Variants in CCDC33 observed in about 807,000 individuals in gnomAD.
CCDC33 encodes coiled-coil domain containing 33, also known as coiled-coil domain-containing protein 33.
A neutral mutation model predicts 91.9 loss-of-function variants in CCDC33; 94 were observed. The ratio of observed to expected loss-of-function variants is 1.02; its 90% confidence interval spans 0.87 to 1.21. CCDC33 has a LOEUF of 1.21. Among genes scored for constraint, CCDC33 ranks in the 50% most tolerant of loss-of-function variants. The pLI is 0.00. For missense variants in CCDC33, 940 were observed against 935.5 expected (o/e 1.00, Z -0.06); for synonymous variants, 396 against 374.5 (o/e 1.06, Z -0.66).
chr15:74,255,707 G>A (rs2075840261), intron 2 of CCDC33, among the ~76,000 whole-genome samples: 1 of 152,260 alleles, frequency 6.6e-6, no homozygotes. Flanking sequence ...AGAGAGACCA[G>A]GGGCCAGGCT....
intron 2 of CCDC33, among the ~76,000 whole-genome samples, chr15:74,223,725 C>CACAA (rs1161665993): frequency 4.1e-5 from 3 of 73,088 alleles, no homozygotes; most frequent in Non-Finnish European, 7.3e-5. Context: ...CGCCAGCATA[C>CACAA]ACACACACAC....
chr15:74,236,128 G>T (rs181625645), upstream of CCDC33, among the ~76,000 whole-genome samples: 1 of 152,360 alleles, frequency 6.6e-6, no homozygotes, highest in East Asian at 1.9e-4. Context: ...CACAGGGTTG[G>T]TGGAGACTAC....
At chr15:74,232,690 T>A (rs879441134), upstream of CCDC33, among the ~76,000 whole-genome samples, 2 of 152,222 alleles carry the variant, frequency 1.3e-5, no homozygotes, top group African/African-American at 4.8e-5. Flanking sequence ...TAACCCTCTC[T>A]GAGCTTTGGT....
In CCDC33 at chr15:74,266,781, G is replaced by T. The variant is rs915644687; in HGVS notation, c.423G>T (p.Leu141=). The part of the protein sequence containing the change: ...LRVFHPYHFE[L]VKPTESGKAD... ...TCTTCCACCCCTACCACTTTGAGCT[G>T]GTGAAGGTGAGTCAGAGGCCTGGGG... Residue 141 remains leucine, a synonymous_variant, in exon 4 of 19, where the codon CTG becomes CTT. Coordinates refer to ENST00000398814, the MANE Select transcript of CCDC33 (RefSeq NM_025055.5). 6.2e-7 allele frequency: 1 copy of T among 1,612,638 alleles called. No individual in the cohort carries two copies. The highest frequency in any genetic ancestry group is 8.5e-7 in the Non-Finnish European group (1 of 1,178,788).
In CCDC33 at chr15:74,225,155, T is replaced by TGTGTGA. The variant is rs1491175056; in HGVS notation, c.675+6295_675+6296insTGTGAG. Among the ~76,000 whole-genome samples, 363 of 143,296 alleles carry TGTGTGA rather than the reference T, an allele frequency of 2.5e-3. 5 individuals carry two copies. The highest frequency in any genetic ancestry group is 8.8e-3 in the African/African-American group (345 of 39,200). 94.0% of individuals were successfully genotyped at this position (143,296 alleles called of 152,430 possible). ...GTGTGTGTGTGTGTGTGTGTGTGTG[T>TGTGTGA]GACAGAGAATGATGTGGGGGGAGAT... On this transcript the variant is annotated intron_variant, in intron 2 of 2. Coordinates refer to the CCDC33 transcript ENST00000635913.
In CCDC33 at chr15:74,231,134, A is replaced by G. The variant is rs561041389; in HGVS notation, c.675+12273A>G. On this transcript the variant is annotated intron_variant, in intron 2 of 2. Coordinates refer to the CCDC33 transcript ENST00000635913. ...GGCAAGCAACCAGGGAAAGGTCAGA[A>G]GGGCAGGCCCCCAGAGCCTCCAGGA... Among the ~76,000 whole-genome samples the G allele has an allele frequency of 2.3e-3, 347 of 152,340 alleles. 2 individuals carry two copies. Among genetic ancestry groups the G allele is most frequent in the African/African-American group, 8.2e-3 (341 of 41,578 alleles).
chr15:74,225,117 C>CGTGTGTAT (rs2074748952), intron 2 of CCDC33, among the ~76,000 whole-genome samples: 1 of 139,832 alleles, frequency 7.2e-6, no homozygotes, highest in African/African-American at 2.7e-5. Context: ...CTCCTGGAGG[C>CGTGTGTAT]GTGTGTGTGT....
rs762617304 is a variant in CCDC33 at position 74,280,061 on chromosome 15, C to T, written c.858C>T (p.Ala286=). 6.2e-7 allele frequency: 1 copy of T among 1,614,108 alleles called. No homozygotes were observed. The highest frequency in any genetic ancestry group is 1.1e-5 in the South Asian group (1 of 91,086). Residue 286 remains alanine, a synonymous_variant, in exon 8 of 19, where the codon GCC becomes GCT. Transcript: ENST00000398814. The part of the protein sequence containing the change: ...DGATSFSEDT[A]LVLEYYSSTS... ...CTACCAGCTTCTCAGAAGACACAGC[C>T]CTGGTGCTGGAGTACTACTCCTCAA...
intron 13 of CCDC33, 90 bp downstream of exon 13, chr15:74,330,841 GCA>G: frequency 6.6e-7 from 1 of 1,507,936 alleles, no homozygotes; most frequent in Non-Finnish European, 9.1e-7. Context: ...GGGAGAACAG[GCA>G]CAGAGGGAAT....
chr15:74,316,445 C>T lies in CCDC33; in HGVS notation c.1291-13744C>T, dbSNP rs780445604. ...TTTGATGAAAAATTCATGGCACGCCCGAGGATGGGAGCAGACTCAATCGAT... is the reference window on the plus strand; with the variant it reads ...TTTGATGAAAAATTCATGGCACGCCTGAGGATGGGAGCAGACTCAATCGAT... On this transcript the variant is annotated intron_variant, in intron 11 of 18. Coordinates refer to ENST00000398814, the MANE Select transcript of CCDC33 (RefSeq NM_025055.5). The surrounding 1 kb of genome is among the most constrained non-coding windows in gnomAD (Gnocchi z 4.7). Among the ~76,000 whole-genome samples, 3 of 152,184 alleles carry T rather than the reference C, an allele frequency of 2.0e-5. No individual in the cohort carries two copies. The highest frequency in any genetic ancestry group is 4.4e-5 in the Non-Finnish European group (3 of 68,018).
Position 74,316,708 on chromosome 15 carries a change from C to G in CCDC33, c.1291-13481C>G, listed in dbSNP as rs114412345. ...CCACCACGGGCCTCCCTTTCATTTC[C>G]CTGGAGGGGTGCTAGACCCTCCAGA... On this transcript the variant is annotated intron_variant, in intron 11 of 18. Coordinates refer to ENST00000398814, the MANE Select transcript of CCDC33 (RefSeq NM_025055.5). This position sits in a 1 kb window ranked among gnomAD's most constrained non-coding sequence, Gnocchi z 4.7. Among the ~76,000 whole-genome samples the G allele has an allele frequency of 1.8e-3, 280 of 152,278 alleles. 1 individual carries two copies. The highest frequency in any genetic ancestry group is 6.4e-3 in the African/African-American group (266 of 41,560).
intron 11 of CCDC33, among the ~76,000 whole-genome samples, 177 bp from the exon 12 acceptor site, chr15:74,330,012 T>C (rs773290058): frequency 1.7e-4 from 26 of 151,754 alleles, no homozygotes; most frequent in Non-Finnish European, 2.5e-4. Flanking sequence ...CCAGGATGGG[T>C]GAGGATCAAG....
intron 2 of CCDC33, among the ~76,000 whole-genome samples, chr15:74,227,292 C>T (rs577167731): frequency 5.9e-5 from 9 of 152,342 alleles, no homozygotes; most frequent in Non-Finnish European, 1.0e-4. Context: ...GAATGACTAA[C>T]AGCATCCTTT....
At chr15:74,255,824 A>G (rs113780913) in intron 2 of CCDC33, among the ~76,000 whole-genome samples, 1,623 of 152,336 alleles carry the variant, frequency 0.011, 36 homozygotes, top group African/African-American at 0.037. Context: ...CTCTTGGGAC[A>G]GGACTTGGGA....
At chr15:74,239,444 C>A (rs2075279418) in intron 1 of CCDC33, among the ~76,000 whole-genome samples, 2 of 152,236 alleles carry the variant, frequency 1.3e-5, no homozygotes, top group Non-Finnish European at 2.9e-5. Context: ...TCCCCTGCAA[C>A]ATCTGCTGGC....
intron 11 of CCDC33, among the ~76,000 whole-genome samples, chr15:74,313,421 T>TC (rs1408065217): frequency 1.5e-5 from 2 of 137,230 alleles, no homozygotes; most frequent in Non-Finnish European, 3.2e-5. Context: ...CTTTCTTTTT[T>TC]TTTTTTTTTT....
chr15:74,205,211 G>T (rs1390924271), intron 1 of CCDC33, among the ~76,000 whole-genome samples: 12 of 152,122 alleles, frequency 7.9e-5, no homozygotes, highest in Admixed American at 7.9e-4. Context: ...AGAGAGGGAG[G>T]TACCAGTTGG....
intron 3 of CCDC33, among the ~76,000 whole-genome samples, chr15:74,263,854 G>A (rs1472885265): frequency 6.6e-6 from 1 of 152,180 alleles, no homozygotes; most frequent in African/African-American, 2.4e-5. Context: ...GGATGGTGGT[G>A]TATGCCTTGC....
At position 74,331,105 on chromosome 15, in the gene CCDC33, A is replaced by G; in HGVS notation, c.1670A>G (p.Gln557Arg). ...GCGCTGGAGGAGACTGTGCGGCACC[A>G]AGAGAAGGCAGGTGGCAGAGGGGCT... ...MKALEETVRH[Q>R]EKVIEKMERV... is the part of the protein sequence containing the mutation. Residue 557 changes from glutamine (Q) to arginine (R), a missense_variant, in exon 14 of 19, where the codon CAA becomes CGA. Gln to Arg is a conservative substitution (Grantham distance 43). Transcript: ENST00000398814. 1 of 1,613,440 alleles carries G rather than the reference A, an allele frequency of 6.2e-7. No individual in the cohort carries two copies. Among genetic ancestry groups the G allele is most frequent in the Non-Finnish European group, 8.5e-7 (1 of 1,179,580 alleles).
Sources: allele counts gnomAD v4.1 joint callset (sites outside exome capture counted in the v4.1 genomes callset), GRCh38; gene constraint gnomAD v4.1.1; non-coding constraint Gnocchi (gnomAD v3.1); transcripts MANE v1.5; gene names NCBI Gene and HGNC (gene_info 2026-07-23, HGNC 2026-07-21).